Variants in XKR3 observed in about 807,000 individuals in gnomAD.
XKR3 encodes XK related 3.
XKR3 carries 27 observed loss-of-function variants against 40.3 expected under a neutral mutation model. That is an observed-to-expected ratio of 0.67 (90% CI 0.49 to 0.92). The LOEUF (loss-of-function observed/expected upper bound fraction) is 0.92. Among genes scored for constraint, XKR3 ranks in the 40% least tolerant of loss-of-function variants. The probability of loss-of-function intolerance (pLI) is 0.00; values close to 1 mark genes in which losing one functional copy is unlikely to be tolerated. For synonymous variants in XKR3, 193 were observed against 195.4 expected (o/e 0.99, Z 0.10); for missense variants, 472 against 537.6 (o/e 0.88, Z 1.21).
rs546588737 is a variant in XKR3, at chr22:16,801,443, G to C, written c.336-1419C>G. ...CCTGTAGGTAGTCCCAGTTATTGCT[G>C]AGGCAGGAGTATCGCTTGAGCCTGG... On this transcript the variant is annotated intron_variant, in intron 2 of 3. Coordinates refer to ENST00000684488, the MANE Select transcript of XKR3 (RefSeq NM_001386955.1). 7.2e-5 allele frequency among the ~76,000 whole-genome samples: 11 copies of C among 152,280 alleles called. No homozygotes were observed. The South Asian group carries it at 2.3e-3, about 32-fold the overall frequency.
chr22:16,821,294 A>G (rs951867770), intron 1 of XKR3, among the ~76,000 whole-genome samples: 2 of 152,174 alleles, frequency 1.3e-5, no homozygotes, highest in African/African-American at 4.8e-5. Flanking sequence ...ATGACAGTAC[A>G]GCCAAACTTA....
chr22:16,783,853 G>T lies in XKR3; in HGVS notation c.1146C>A (p.Leu382=). 2 of 1,614,160 alleles carry T rather than the reference G, an allele frequency of 1.2e-6. No homozygotes were observed. The highest frequency in any genetic ancestry group is 2.2e-5 in the South Asian group (2 of 91,084). The change falls in exon 4 of 4, where the codon CTC becomes CTA. Residue 382 remains leucine, a synonymous_variant. Transcript: ENST00000684488. ...NCCDSLIAVQ[L]IISYLLATGF... is the part of the protein sequence containing the mutation. ...CAGTGGCCAATAGGTAGCTTATGATGAGCTGCACGGCAATTAATGAGTCAC... is the reference window on the plus strand; with the variant it reads ...CAGTGGCCAATAGGTAGCTTATGATTAGCTGCACGGCAATTAATGAGTCAC...
intron 2 of XKR3, among the ~76,000 whole-genome samples, chr22:16,804,419 C>T (rs951111096): frequency 2.0e-5 from 3 of 151,886 alleles, no homozygotes; most frequent in Admixed American, 6.6e-5. Flanking sequence ...TTTTTTTCCC[C>T]TCATGTTTTG....
intron 3 of XKR3, among the ~76,000 whole-genome samples, chr22:16,792,146 A>G (rs1387610127): frequency 6.6e-6 from 1 of 152,066 alleles, no homozygotes; most frequent in East Asian, 1.9e-4. Context: ...GGACTTCACC[A>G]TGTTGGCCAA....
chr22:16,807,035 A>T (rs1421697154), intron 2 of XKR3, among the ~76,000 whole-genome samples: 1 of 152,202 alleles, frequency 6.6e-6, no homozygotes, highest in African/African-American at 2.4e-5. Flanking sequence ...ATCAACATCT[A>T]GCTCTGAAAT....
chr22:16,801,785 A>T (rs1296030126), intron 2 of XKR3, among the ~76,000 whole-genome samples: 1 of 152,154 alleles, frequency 6.6e-6, no homozygotes, highest in South Asian at 2.1e-4. Flanking sequence ...TGTCATCAGC[A>T]TAATAAAGGT....
At chr22:16,787,593 G>GA (rs1262264922) in intron 3 of XKR3, among the ~76,000 whole-genome samples, 3 of 148,660 alleles carry the variant, frequency 2.0e-5, no homozygotes, top group South Asian at 2.1e-4. Flanking sequence ...CGTATTGTAG[G>GA]AAAAAAAAGT....
In XKR3 at chr22:16,811,398, A is replaced by ATTCACCC. The variant is rs548168821; in HGVS notation, c.-10-3322_-10-3316dup. On this transcript the variant is annotated intron_variant, in intron 1 of 3. Transcript: ENST00000684488. ...ACCTTGGCCCCACCAAAGTGTTTGG[A>ATTCACCC]TTCACCCTGAGTCCACCGTGGCTGG... Among the ~76,000 whole-genome samples the ATTCACCC allele has an allele frequency of 4.5e-4, 68 of 152,192 alleles. 1 individual carries two copies. In the East Asian group the frequency reaches 0.01, roughly 23 times the overall value.
In XKR3 at chr22:16,787,330, G is replaced by A. The variant is rs1365471483; in HGVS notation, c.590-2921C>T. Among the ~76,000 whole-genome samples the A allele has an allele frequency of 4.6e-5, 7 of 152,146 alleles. No homozygotes were observed. The South Asian group carries it at 1.0e-3, about 23-fold the overall frequency. On this transcript the variant is annotated intron_variant, in intron 3 of 3. Coordinates refer to ENST00000684488, the MANE Select transcript of XKR3 (RefSeq NM_001386955.1). ...TCGCAGCTATTTGGGAGGCGGAGGC[G>A]GGTGGATCACATGTGGTCAGGAGTT... is the stretch of plus-strand genomic sequence containing the variant.
At chr22:16,816,590 A>G (rs1314605708) in intron 1 of XKR3, among the ~76,000 whole-genome samples, 1 of 151,900 alleles carries the variant, frequency 6.6e-6, no homozygotes, top group Non-Finnish European at 1.5e-5. Context: ...AAATAAAAAT[A>G]ATAGGTTTTA....
In XKR3 at chr22:16,814,563, C is replaced by T. The variant is rs182098933; in HGVS notation, c.-10-6480G>A. Among the ~76,000 whole-genome samples the T allele has an allele frequency of 2.5e-3, 384 of 152,212 alleles. 1 individual carries two copies. Among genetic ancestry groups the T allele is most frequent in the Non-Finnish European group, 3.2e-3 (218 of 67,970 alleles). ...TAATTGAAACTGTAGGTCAATTTTG[C>T]GGTGTTGTCACTTAATGTTATCTTC... On this transcript the variant is annotated intron_variant, in intron 1 of 3. Coordinates refer to ENST00000684488, the MANE Select transcript of XKR3 (RefSeq NM_001386955.1).
intron 1 of XKR3, chr22:16,821,784 A>G (rs1468059243): frequency 6.6e-6 from 1 of 152,134 alleles, no homozygotes; most frequent in Non-Finnish European, 1.5e-5. Flanking sequence ...TCAATTTCAT[A>G]TAAATTGAAT....
At chr22:16,823,945 G>A (rs941247192) in intron 1 of XKR3, among the ~76,000 whole-genome samples, 2 of 152,072 alleles carry the variant, frequency 1.3e-5, no homozygotes, top group Non-Finnish European at 2.9e-5. Context: ...AAATCTTGAA[G>A]GGATCTTAAT....
intron 1 of XKR3, among the ~76,000 whole-genome samples, chr22:16,823,025 A>G (rs563858535): frequency 6.6e-6 from 1 of 152,224 alleles, no homozygotes; most frequent in East Asian, 1.9e-4. Context: ...CTGGGACCAC[A>G]GGTGCATGCC....
chr22:16,823,110 A>G (rs1287283149), intron 1 of XKR3, among the ~76,000 whole-genome samples: 1 of 152,172 alleles, frequency 6.6e-6, no homozygotes, highest in Non-Finnish European at 1.5e-5. Context: ...CTCATGAGCT[A>G]AAGTGATCCA....
Position 16,799,931 on chromosome 22 carries a change from C to T in XKR3, c.429G>A (p.Thr143=). The change falls in exon 3 of 4, where the codon ACG becomes ACA. Residue 143 remains threonine (T), a synonymous_variant. Transcript: ENST00000684488. ...ETQVSITKRN[T]MLEREIAFSI... is the part of the protein sequence containing the mutation. Reference sequence around the variant, plus strand: ...AGAATGCAATCTCCCTTTCCAGCATCGTGTTTCTCTTTGTGATGCTAACTT... The same window carrying T: ...AGAATGCAATCTCCCTTTCCAGCATTGTGTTTCTCTTTGTGATGCTAACTT... 6.2e-7 allele frequency: 1 copy of T among 1,614,116 alleles called. No homozygotes were observed. The highest frequency in any genetic ancestry group is 8.5e-7 in the Non-Finnish European group (1 of 1,180,008).
chr22:16,812,738 C>A (rs1028946319), intron 1 of XKR3, among the ~76,000 whole-genome samples: 1 of 152,100 alleles, frequency 6.6e-6, no homozygotes, highest in African/African-American at 2.4e-5. Flanking sequence ...CAAAGTTGTA[C>A]AAACATCACC....
intron 2 of XKR3, among the ~76,000 whole-genome samples, chr22:16,805,726 T>C (rs182611999): frequency 2.0e-5 from 3 of 152,184 alleles, no homozygotes; most frequent in South Asian, 4.1e-4. Flanking sequence ...ATCAAACTGG[T>C]AATAAGAATT....
At chr22:16,820,383 A>T (rs1300328208) in intron 1 of XKR3, among the ~76,000 whole-genome samples, 1 of 152,146 alleles carries the variant, frequency 6.6e-6, no homozygotes, top group Admixed American at 6.5e-5. Context: ...TTGGCAGGGA[A>T]GTGTTCCTCC....
Sources: allele counts gnomAD v4.1 joint callset (sites outside exome capture counted in the v4.1 genomes callset), GRCh38; gene constraint gnomAD v4.1.1; transcripts MANE v1.5; gene names NCBI Gene and HGNC (gene_info 2026-07-23, HGNC 2026-07-21).